Variants in ADNP observed in about 807,000 individuals in gnomAD.
The protein encoded by ADNP is activity-dependent neuroprotector homeobox protein.
Under a neutral mutation model 84.9 loss-of-function variants are expected in ADNP, and 4 were observed. The ratio of observed to expected loss-of-function variants is 0.05; its 90% CI spans 0.02 to 0.11. The LOEUF is 0.11. Among genes scored for constraint, ADNP ranks in the 10% least tolerant of loss-of-function variants. The pLI, the probability that ADNP is intolerant of heterozygous loss-of-function variation, is 1.00. For missense variants in ADNP, 1,132 were observed against 1,326.0 expected (o/e 0.85, Z 2.27); for synonymous variants, 554 against 468.1 (o/e 1.18, Z -2.37).
chr20:50,908,249 C>T (rs1320218832), intron 2 of ADNP, among the ~76,000 whole-genome samples: 8 of 150,106 alleles, frequency 5.3e-5, no homozygotes, highest in African/African-American at 2.0e-4. Flanking sequence ...TCACTCTTAT[C>T]CCTCCAGCCA....
intron 2 of ADNP, among the ~76,000 whole-genome samples, chr20:50,918,773 G>A (rs1600986704): frequency 6.6e-6 from 1 of 152,314 alleles, no homozygotes; most frequent in East Asian, 1.9e-4. Flanking sequence ...AAGAACAAGA[G>A]GAGAGGTCCT....
intron 5 of ADNP, among the ~76,000 whole-genome samples, chr20:50,896,545 G>C (rs962897745): frequency 1.3e-5 from 2 of 152,102 alleles, no homozygotes; most frequent in African/African-American, 2.4e-5. Context: ...GGCGACAAGA[G>C]CAAGACCCCG....
rs1247388065 is a variant in ADNP, at chr20:50,891,947, A to G, written c.2767T>C (p.Ser923Pro). 1.9e-6 allele frequency: 3 copies of G among 1,614,088 alleles called. No homozygotes were observed. Among genetic ancestry groups the G allele is most frequent in the Non-Finnish European group, 2.5e-6 (3 of 1,180,038 alleles). Residue 923 changes from serine to proline, a missense_variant, in exon 6 of 6, where the codon TCT becomes CCT. Transcript: ENST00000621696. The stretch of plus-strand genomic sequence containing the variant: ...TCTTTTTGGTCTAGCTTCTCCTCAG[A>G]TTCTGAAGCATCCTCAGGAATTACC... Reference protein sequence around the residue: ...LKVIPEDASESEEKLDQKEDG... With the variant: ...LKVIPEDASEPEEKLDQKEDG...
intron 3 of ADNP, 25 bp from the exon 4 acceptor site, chr20:50,904,026 A>G: frequency 6.4e-7 from 1 of 1,560,574 alleles, no homozygotes; most frequent in Non-Finnish European, 8.8e-7. Context: ...AATTTAAGTC[A>G]AAGTCAAAAC....
At chr20:50,915,107 T>G (rs936915934) in intron 2 of ADNP, among the ~76,000 whole-genome samples, 1 of 152,192 alleles carries the variant, frequency 6.6e-6, no homozygotes, top group Non-Finnish European at 1.5e-5. Context: ...TGTAACAAAA[T>G]GTATTCTGAT....
chr20:50,901,749 A>T (rs1982006220), intron 5 of ADNP, among the ~76,000 whole-genome samples: 1 of 152,238 alleles, frequency 6.6e-6, no homozygotes, highest in African/African-American at 2.4e-5. Flanking sequence ...GAGCACTTTT[A>T]GGGGAAATGG....
intron 2 of ADNP, among the ~76,000 whole-genome samples, chr20:50,924,897 A>G (rs765239673): frequency 6.6e-6 from 1 of 152,196 alleles, no homozygotes; most frequent in Non-Finnish European, 1.5e-5. Flanking sequence ...CTTAAATCTA[A>G]AACTGTGGCA....
chr20:50,895,648 C>T (rs1030445786), intron 5 of ADNP, among the ~76,000 whole-genome samples: 4 of 152,146 alleles, frequency 2.6e-5, no homozygotes, highest in South Asian at 2.1e-4. Flanking sequence ...TGGGCTCATG[C>T]GATCCTCCCA....
chr20:50,916,234 CAT>C (rs1189697062), intron 2 of ADNP, among the ~76,000 whole-genome samples: 23 of 152,152 alleles, frequency 1.5e-4, no homozygotes, highest in African/African-American at 4.1e-4. Flanking sequence ...CTTCCATCAA[CAT>C]GTGTGAATCC....
chr20:50,908,756 A>G (rs1285091201), intron 2 of ADNP, among the ~76,000 whole-genome samples: 2 of 152,076 alleles, frequency 1.3e-5, no homozygotes, highest in African/African-American at 2.4e-5. Flanking sequence ...CCTGGGCGAC[A>G]GAGTGAGACT....
At chr20:50,918,777 A>G (rs1983705115) in intron 2 of ADNP, among the ~76,000 whole-genome samples, 2 of 152,230 alleles carry the variant, frequency 1.3e-5, no homozygotes, top group Non-Finnish European at 1.5e-5. Flanking sequence ...ACAAGAGGAG[A>G]GGTCCTGGGA....
chr20:50,898,423 C>T, intron 5 of ADNP, among the ~76,000 whole-genome samples: 1 of 152,228 alleles, frequency 6.6e-6, no homozygotes, highest in East Asian at 1.9e-4. Flanking sequence ...CCTGTGTCTG[C>T]TCTTCAATCC....
chr20:50,928,779 C>G lies in ADNP; in HGVS notation c.-218G>C, dbSNP rs1984451824. 1 of 152,244 alleles carries G rather than the reference C, an allele frequency of 6.6e-6. No individual in the cohort carries two copies. The highest frequency in any genetic ancestry group is 2.4e-5 in the African/African-American group (1 of 41,452). 9.4% of individuals were successfully genotyped at this position (152,244 alleles called of 1,614,324 possible). A position where few individuals can be genotyped will look rare whatever the true frequency, so the allele number is the denominator to read the frequency against. ...GTACAAAAAGTACAACCCTGCGCAT[C>G]ATGGTGTAAAAGCTGGGGCCTAGGT... On this transcript the variant is annotated 5_prime_UTR_variant, in exon 2 of 6. An upstream start codon of the reference 5' UTR is lost. Transcript: ENST00000621696.
In ADNP at chr20:50,892,478, G is replaced by A; in HGVS notation, c.2236C>T (p.Pro746Ser). ...AAAGCTAAAACAACAGGCTCTTCAG[G>A]CTTCTCTTCAAAGAAGCTGGGTGAA... is the stretch of plus-strand genomic sequence containing the variant. ...SDSPSFFEEK[P>S]EEPVVLALDP... Residue 746 changes from proline to serine, a missense_variant, in exon 6 of 6, where the codon CCT (proline) becomes TCT (serine). Physicochemically the swap from Pro to Ser is moderately conservative, Grantham distance 74 (BLOSUM62 -1). Transcript: ENST00000621696. 6.2e-7 allele frequency: 1 copy of A among 1,614,166 alleles called. No individual in the cohort carries two copies. Among genetic ancestry groups the A allele is most frequent in the South Asian group, 1.1e-5 (1 of 91,082 alleles).
intron 2 of ADNP, among the ~76,000 whole-genome samples, chr20:50,915,750 T>C (rs1313694615): frequency 6.6e-6 from 1 of 152,170 alleles, no homozygotes; most frequent in Non-Finnish European, 1.5e-5. Context: ...CCTCTTTCCT[T>C]AAGTTTACTA....
intron 4 of ADNP, 63 bp from the exon 5 acceptor site, chr20:50,902,172 T>C (rs771107295): frequency 1.3e-4 from 165 of 1,244,860 alleles, no homozygotes; most frequent in Non-Finnish European, 1.8e-4. Flanking sequence ...CAATCTTACA[T>C]GTAAATCTCA....
Position 50,901,892 on chromosome 20 carries a change from G to A in ADNP, c.201+125C>T. 3.8e-6 allele frequency: 3 copies of A among 795,020 alleles called. No individual in the cohort carries two copies. In the South Asian group the frequency reaches 4.5e-5, roughly 12 times the overall value. The allele number at this position is 795,020 out of a possible 1,614,324, so 49.2% of individuals were successfully genotyped here. A position where few individuals can be genotyped will look rare whatever the true frequency, so the allele number is the denominator to read the frequency against. ...CCCACTGGTCAGGAAAATATGAAAT[G>A]CAATTTTGACACTTTCGATGTTTGG... On this transcript the variant is annotated intron_variant, in intron 5 of 5. Coordinates refer to ENST00000621696, the MANE Select transcript of ADNP (RefSeq NM_001282531.3).
chr20:50,891,447 A>C lies in ADNP; in HGVS notation c.3267T>G (p.His1089Gln), dbSNP rs1980694908. Reference sequence around the variant, plus strand: ...TCAGTTTAACTCCGGCTAAGCTGCCATGCATGGGCTCAGCTACTCCATCAG... The same window carrying C: ...TCAGTTTAACTCCGGCTAAGCTGCCCTGCATGGGCTCAGCTACTCCATCAG... ...NMTDGVAEPM[H>Q]GSLAGVKLSS... The change falls in exon 6 of 6, where the codon CAT (histidine) becomes CAG (glutamine). Residue 1089 changes from histidine to glutamine, a missense_variant. Physicochemically the swap from His to Gln is conservative, Grantham distance 24. This residue lies in a region of ADNP where 381 missense variants were observed against 319.9 expected (regional missense o/e 1.19). Transcript: ENST00000621696. 1 of 1,612,476 alleles carries C rather than the reference A, an allele frequency of 6.2e-7. No individual in the cohort carries two copies. The highest frequency in any genetic ancestry group is 8.5e-7 in the Non-Finnish European group (1 of 1,179,844).
intron 5 of ADNP, among the ~76,000 whole-genome samples, chr20:50,894,950 A>C (rs777008760): frequency 1.3e-5 from 2 of 152,176 alleles, no homozygotes; most frequent in Non-Finnish European, 2.9e-5. Flanking sequence ...AACTTTATAA[A>C]ATAGAAACTC....
Sources: allele counts gnomAD v4.1 joint callset (sites outside exome capture counted in the v4.1 genomes callset), GRCh38; gene constraint gnomAD v4.1.1; regional missense constraint gnomAD v4.1.1; transcripts MANE v1.5; gene names NCBI Gene and HGNC (gene_info 2026-07-23, HGNC 2026-07-21).